Variants in LYPLAL1 observed in about 807,000 individuals in gnomAD.
LYPLAL1 encodes the protein lysophospholipase like 1, also known as lysophospholipase-like protein 1.
LYPLAL1 carries 23 observed loss-of-function variants against 19.7 expected under a neutral mutation model. That is an observed-to-expected ratio of 1.17 (90% CI 0.84 to 1.65). LYPLAL1 has a LOEUF of 1.65. LYPLAL1 is among the 40% of genes most tolerant of loss of function. The pLI is 0.00. For missense variants in LYPLAL1, 355 were observed against 279.4 expected (o/e 1.27, Z -1.93); for synonymous variants, 119 against 96.3 (o/e 1.24, Z -1.38).
the LYPLAL1 span, among the ~76,000 whole-genome samples, chr1:219,442,234 T>C: frequency 1.3e-5 from 2 of 152,342 alleles, no homozygotes; most frequent in East Asian, 3.9e-4. Flanking sequence ...TCAGTTTCTA[T>C]GTTCTTTGTG....
chr1:219,271,793 A>G, the LYPLAL1 span: 1 of 152,234 alleles, frequency 6.6e-6, no homozygotes, highest in Non-Finnish European at 1.5e-5. Context: ...TGAATGAGGT[A>G]GAACTTTGGC....
At chr1:219,328,187 C>A in the LYPLAL1 span, among the ~76,000 whole-genome samples, 2 of 152,148 alleles carry the variant, frequency 1.3e-5, no homozygotes, top group Non-Finnish European at 2.9e-5. Context: ...TTCTTTCTTA[C>A]ATGAAAACTG....
At chr1:219,195,850 C>T (rs1657556496) in intron 3 of LYPLAL1, among the ~76,000 whole-genome samples, 1 of 152,084 alleles carries the variant, frequency 6.6e-6, no homozygotes, top group Admixed American at 6.6e-5. Flanking sequence ...CCTCTCACCG[C>T]CTCCCTGACA....
At position 219,193,150 on chromosome 1, in the gene LYPLAL1, G is replaced by C. The variant is rs1488960015; in HGVS notation, c.260G>C (p.Cys87Ser). The stretch of plus-strand genomic sequence containing the variant: ...GACAGATTTAAAATAACCAATGACT[G>C]CCCAGAACACCTTGAATCAATTGAT... ...WFDRFKITND[C>S]PEHLESIDVM... The change falls in exon 3 of 5, where the codon TGC becomes TCC. Residue 87 changes from cysteine to serine, a missense_variant. Physicochemically the swap from Cys to Ser is moderately radical, Grantham distance 112. Transcript: ENST00000366928. The C allele has an allele frequency of 5.6e-6, 9 of 1,608,392 alleles. No individual in the cohort carries two copies. The highest frequency in any genetic ancestry group is 7.6e-6 in the Non-Finnish European group (9 of 1,176,750).
chr1:219,373,638 A>G, the LYPLAL1 span, among the ~76,000 whole-genome samples: 3 of 152,180 alleles, frequency 2.0e-5, no homozygotes, highest in Non-Finnish European at 2.9e-5. Flanking sequence ...ATTGGAATCT[A>G]ACTACATTTT....
the LYPLAL1 span, among the ~76,000 whole-genome samples, chr1:219,309,780 T>C: frequency 2.6e-4 from 40 of 152,336 alleles, no homozygotes; most frequent in African/African-American, 8.9e-4. Flanking sequence ...CAGTCTCAGG[T>C]ATGTCTTTAT....
the LYPLAL1 span, among the ~76,000 whole-genome samples, chr1:219,311,947 T>C: frequency 6.6e-6 from 1 of 152,196 alleles, no homozygotes; most frequent in Non-Finnish European, 1.5e-5. Context: ...ATTAAAAATA[T>C]ATATTGTGTG....
the LYPLAL1 span, among the ~76,000 whole-genome samples, chr1:219,384,896 A>T: frequency 6.6e-6 from 1 of 152,220 alleles, no homozygotes; most frequent in Admixed American, 6.5e-5. Context: ...ATTCTGTTTC[A>T]TTGCCAACAA....
the LYPLAL1 span, among the ~76,000 whole-genome samples, chr1:219,249,547 A>G: frequency 6.6e-6 from 1 of 152,016 alleles, no homozygotes. Context: ...AATATCAAGG[A>G]GTGAAAATGC....
At chr1:219,435,609 G>A in the LYPLAL1 span, among the ~76,000 whole-genome samples, 11 of 151,936 alleles carry the variant, frequency 7.2e-5, no homozygotes, top group South Asian at 2.1e-4. Context: ...GGCGGATCAC[G>A]AGGTCAGGAG....
chr1:219,217,140 A>G (rs1659317890), downstream of LYPLAL1, among the ~76,000 whole-genome samples: 1 of 152,086 alleles, frequency 6.6e-6, no homozygotes, highest in Admixed American at 6.6e-5. Context: ...TTTTATCTTG[A>G]CCATATTCTG....
At chr1:219,342,038 CT>C in the LYPLAL1 span, among the ~76,000 whole-genome samples, 1 of 152,052 alleles carries the variant, frequency 6.6e-6, no homozygotes, top group Non-Finnish European at 1.5e-5. Flanking sequence ...TTTCAATGCA[CT>C]TTTTTTGTAA....
downstream of LYPLAL1, among the ~76,000 whole-genome samples, chr1:219,216,071 T>C (rs1424864687): frequency 6.6e-6 from 1 of 152,116 alleles, no homozygotes; most frequent in Non-Finnish European, 1.5e-5. Flanking sequence ...TTCATTGATC[T>C]TTTATTCTAA....
At chr1:219,240,770 G>A in the LYPLAL1 span, among the ~76,000 whole-genome samples, 1 of 152,018 alleles carries the variant, frequency 6.6e-6, no homozygotes, top group Non-Finnish European at 1.5e-5. Context: ...AGAAAATTGG[G>A]TGGTCTTTTG....
the LYPLAL1 span, among the ~76,000 whole-genome samples, chr1:219,364,655 T>G: frequency 4.6e-5 from 7 of 152,244 alleles, no homozygotes; most frequent in Admixed American, 1.3e-4. Flanking sequence ...AAATATTTTT[T>G]GGGGAAATAA....
the LYPLAL1 span, among the ~76,000 whole-genome samples, chr1:219,390,950 A>G: frequency 6.6e-6 from 1 of 152,090 alleles, no homozygotes. Context: ...CAATCTCTAC[A>G]GTTCTTGTAA....
chr1:219,321,998 G>C, the LYPLAL1 span, among the ~76,000 whole-genome samples: 1 of 152,098 alleles, frequency 6.6e-6, no homozygotes, highest in Non-Finnish European at 1.5e-5. Context: ...ACATAATGGA[G>C]GCACAGTTTC....
chr1:219,356,142 A>G, the LYPLAL1 span, among the ~76,000 whole-genome samples: 1 of 152,190 alleles, frequency 6.6e-6, no homozygotes, highest in Non-Finnish European at 1.5e-5. Flanking sequence ...TAAAAGGTCC[A>G]TGTAAGCAGG....
chr1:219,375,020 T>G, the LYPLAL1 span, among the ~76,000 whole-genome samples: 1 of 152,222 alleles, frequency 6.6e-6, no homozygotes, highest in East Asian at 1.9e-4. Context: ...TCCACGTATT[T>G]ACTTGCTGTG....
Sources: gnomAD v4.1 joint callset for allele counts (sites outside exome capture counted in the v4.1 genomes callset) on GRCh38, gnomAD v4.1.1 for gene constraint, MANE v1.5 for transcripts, NCBI Gene and HGNC (gene_info 2026-07-23, HGNC 2026-07-21) for gene names.